The following ASCC3 variants were observed in gnomAD, a reference collection of about 807,000 sequenced individuals.
ASCC3 encodes activating signal cointegrator 1 complex subunit 3.
Under a neutral mutation model 256.3 loss-of-function variants are expected in ASCC3, and 158 were observed. The ratio of observed to expected loss-of-function variants is 0.62; its 90% CI spans 0.54 to 0.70. The LOEUF is 0.70. Among genes scored for constraint, ASCC3 ranks in the 30% least tolerant of loss-of-function variants. The pLI, the probability that ASCC3 is intolerant of heterozygous loss-of-function variation, is 0.00. For missense variants in ASCC3, 2,259 were observed against 2,626.0 expected, an observed-to-expected ratio of 0.86 and a Z score of 3.05; for synonymous variants, 948 against 883.4, an observed-to-expected ratio of 1.07 and a Z score of -1.30.
At chr6:100,828,298 C>G (rs1207279849) in intron 4 of ASCC3, among the ~76,000 whole-genome samples, 1 of 152,082 alleles carries the variant, frequency 6.6e-6, no homozygotes, top group East Asian at 1.9e-4. Flanking sequence ...TACAGTAGTT[C>G]CCCTTTATCC....
chr6:100,530,360 T>C lies in ASCC3; in HGVS notation c.5775+9803A>G, dbSNP rs151055499. ...ATCTAGTGAAAAAAACCGCAGTAAG[T>C]TGTCTATCTCAAAATGACTGGAAGT... On this transcript the variant is annotated intron_variant, in intron 37 of 41. Coordinates refer to ENST00000369162, the MANE Select transcript of ASCC3 (RefSeq NM_006828.4). 1,614 of 1,314,440 alleles carry C rather than the reference T, an allele frequency of 1.2e-3. 1 individual carries two copies. Among genetic ancestry groups the C allele is most frequent in the Admixed American group, 1.6e-3 (94 of 59,458 alleles). The allele number at this position is 1,314,440 out of a possible 1,614,324, so 81.4% of individuals were successfully genotyped here.
intron 37 of ASCC3, chr6:100,530,620 G>GT: frequency 1.2e-6 from 1 of 800,522 alleles, no homozygotes; most frequent in Admixed American, 1.7e-5. Context: ...GCAATACAGT[G>GT]TGAGTTCTCC....
rs137981460 is a variant in ASCC3 at position 100,730,267 on chromosome 6, A to T, written c.1738-4564T>A. On this transcript the variant is annotated intron_variant, in intron 10 of 41. Transcript: ENST00000369162. Reference sequence around the variant, plus strand: ...AGCTGTGATCATGCCACTGCACTCCAGCCTGGGAGACAGGGCAAGACTCCA... The same window carrying T: ...AGCTGTGATCATGCCACTGCACTCCTGCCTGGGAGACAGGGCAAGACTCCA... Among the ~76,000 whole-genome samples the T allele has an allele frequency of 3.9e-4, 59 of 151,978 alleles. 2 individuals are homozygous for T. The highest frequency in any genetic ancestry group is 1.4e-3 in the African/African-American group (58 of 41,474).
intron 35 of ASCC3, 87 bp downstream of exon 35, chr6:100,589,861 T>TA: frequency 3.1e-6 from 5 of 1,592,970 alleles, no homozygotes; most frequent in Non-Finnish European, 4.3e-6. Context: ...AACAATTTTT[T>TA]AAAAAATTTT....
chr6:100,544,787 G>A (rs1054473249), intron 36 of ASCC3, among the ~76,000 whole-genome samples: 15 of 152,076 alleles, frequency 9.9e-5, no homozygotes, highest in Admixed American at 3.3e-4. Context: ...GAACATCAAA[G>A]AGACAGAAAT....
chr6:100,864,130 C>T lies in ASCC3; in HGVS notation c.175G>A (p.Glu59Lys), dbSNP rs1773365316. 8 of 1,605,962 alleles carry T rather than the reference C, an allele frequency of 5.0e-6. No individual in the cohort carries two copies. Among genetic ancestry groups the T allele is most frequent in the Non-Finnish European group, 6.8e-6 (8 of 1,174,652 alleles). Residue 59 changes from glutamate (E) to lysine (K), a missense_variant, in exon 3 of 42, where the codon GAG becomes AAG. By Grantham distance (56) the Glu-to-Lys change is moderately conservative. This residue lies in a region of ASCC3 where 420 missense variants were observed against 419.3 expected (regional missense o/e 1.00). Transcript: ENST00000369162. ...TTTATACTTTGCATTTTACTCTTCT[C>T]CAGTTTTTCATTCAAAAATTTTATT... Reference protein sequence around the residue: ...KIIKFLNEKLEKSKMQSINED... With the variant: ...KIIKFLNEKLKKSKMQSINED...
At position 100,608,117 on chromosome 6, in the gene ASCC3, T is replaced by TGTATATATA. The variant is rs1562161146; in HGVS notation, c.4786-1030_4786-1029insTATATATAC. On this transcript the variant is annotated intron_variant, in intron 30 of 41. Transcript: ENST00000369162. ...ATATACACATATATATGTATATATA[T>TGTATATATA]CTATATATACATATATATGTATATA... Among the ~76,000 whole-genome samples, 193 of 47,862 alleles carry TGTATATATA rather than the reference T, an allele frequency of 4.0e-3. 7 individuals carry two copies. The highest frequency in any genetic ancestry group is 0.023 in the Admixed American group (119 of 5,150). 31.4% of individuals were successfully genotyped at this position (47,862 alleles called of 152,430 possible).
chr6:100,513,767 G>A (rs1773891150), intron 39 of ASCC3, among the ~76,000 whole-genome samples: 1 of 152,060 alleles, frequency 6.6e-6, no homozygotes. Flanking sequence ...CAAATAGCAA[G>A]TGCTCAACAA....
intron 4 of ASCC3, among the ~76,000 whole-genome samples, chr6:100,826,014 CA>C (rs1337119109): frequency 6.6e-6 from 1 of 151,968 alleles, no homozygotes; most frequent in African/African-American, 2.4e-5. Context: ...GAACACAGCA[CA>C]AAATGGTAAT....
chr6:100,857,613 T>G (rs1773013366), intron 3 of ASCC3: 1 of 152,026 alleles, frequency 6.6e-6, no homozygotes, highest in Admixed American at 6.6e-5. Flanking sequence ...AAAATAGCCT[T>G]GTCTCACTAT....
chr6:100,527,332 A>T (rs1261929070), intron 37 of ASCC3, among the ~76,000 whole-genome samples: 1 of 152,188 alleles, frequency 6.6e-6, no homozygotes, highest in Non-Finnish European at 1.5e-5. Context: ...GTCTAATTAT[A>T]AGCATTTAAA....
At chr6:100,655,636 C>T in intron 17 of ASCC3, 63 bp downstream of exon 17, 2 of 1,550,188 alleles carry the variant, frequency 1.3e-6, no homozygotes, top group South Asian at 2.2e-5. Context: ...AATATCTATC[C>T]TCATATCATG....
intron 8 of ASCC3, among the ~76,000 whole-genome samples, chr6:100,780,401 T>G (rs1321223190): frequency 6.6e-6 from 1 of 152,142 alleles, no homozygotes; most frequent in East Asian, 1.9e-4. Context: ...AAATCCTTAA[T>G]GTGGTCGAAA....
intron 20 of ASCC3, 64 bp downstream of exon 20, chr6:100,650,474 T>C (rs1775606442): frequency 1.3e-6 from 2 of 1,539,790 alleles, no homozygotes; most frequent in Admixed American, 1.7e-5. Flanking sequence ...ACAGCATGAA[T>C]TAACACCTTG....
chr6:100,715,616 T>C, intron 12 of ASCC3, 83 bp from the exon 13 acceptor site: 1 of 1,174,824 alleles, frequency 8.5e-7, no homozygotes, highest in Non-Finnish European at 1.2e-6. Flanking sequence ...CCAATTACAA[T>C]GCATTTTTTA....
chr6:100,692,207 T>G (rs928373262), intron 13 of ASCC3, among the ~76,000 whole-genome samples: 4 of 152,090 alleles, frequency 2.6e-5, no homozygotes, highest in African/African-American at 9.7e-5. Flanking sequence ...ATCTCTGGTA[T>G]GACTTTCTCT....
At chr6:100,742,865 T>G (rs1188874156) in intron 10 of ASCC3, among the ~76,000 whole-genome samples, 2 of 152,196 alleles carry the variant, frequency 1.3e-5, no homozygotes, top group East Asian at 3.9e-4. Flanking sequence ...TCTTATCTTG[T>G]CAGGTGTGGT....
intron 10 of ASCC3, among the ~76,000 whole-genome samples, chr6:100,738,169 G>T (rs554020776): frequency 2.0e-5 from 3 of 152,256 alleles, no homozygotes; most frequent in Non-Finnish European, 4.4e-5. Context: ...TCTGTAGGTT[G>T]TCCATTCACT....
intron 24 of ASCC3, among the ~76,000 whole-genome samples, chr6:100,641,205 T>C (rs1425253761): frequency 6.6e-6 from 1 of 152,176 alleles, no homozygotes; most frequent in Non-Finnish European, 1.5e-5. Flanking sequence ...TTTGTTCACG[T>C]CACCAAAATT....
Sources: gnomAD v4.1 joint callset for allele counts (sites outside exome capture counted in the v4.1 genomes callset) on GRCh38, gnomAD v4.1.1 for gene constraint, gnomAD v4.1.1 regional missense constraint, MANE v1.5 for transcripts, NCBI Gene and HGNC (gene_info 2026-07-23, HGNC 2026-07-21) for gene names.